MAF: variants seen among roughly 807,000 people sequenced by gnomAD.
MAF encodes transcription factor Maf.
Under a neutral mutation model 22.0 loss-of-function variants are expected in MAF, and 10 were observed. That is an observed-to-expected ratio of 0.45 (90% CI 0.28 to 0.77). The LOEUF is 0.77. Among genes scored for constraint, MAF ranks in the 30% least tolerant of loss-of-function variants. The pLI, the probability that MAF is intolerant of heterozygous loss-of-function variation, is 0.12. For missense variants in MAF, 544 were observed against 548.4 expected, an observed-to-expected ratio of 0.99 and a Z score of 0.08; for synonymous variants, 337 against 255.8, an observed-to-expected ratio of 1.32 and a Z score of -3.03.
At chr16:79,400,809 G>T in the MAF span, among the ~76,000 whole-genome samples, 2 of 152,234 alleles carry the variant, frequency 1.3e-5, no homozygotes, top group African/African-American at 4.8e-5. Context: ...AACTACAGCA[G>T]TCGACTTTCA....
the MAF span, among the ~76,000 whole-genome samples, chr16:79,400,468 A>G: frequency 6.6e-6 from 1 of 152,276 alleles, no homozygotes; most frequent in East Asian, 1.9e-4. Flanking sequence ...CTCATAGCAC[A>G]GTGCCTGGCC....
At chr16:79,354,142 G>A in the MAF span, among the ~76,000 whole-genome samples, 3 of 151,866 alleles carry the variant, frequency 2.0e-5, no homozygotes, top group Admixed American at 6.6e-5. Context: ...CTACAAGTGC[G>A]CACCACCGTG....
the MAF span, among the ~76,000 whole-genome samples, chr16:79,268,421 T>G: frequency 5.3e-5 from 8 of 152,150 alleles, no homozygotes; most frequent in African/African-American, 1.9e-4. Context: ...ATGGTCATAG[T>G]AATGATGGCA....
At chr16:79,444,627 G>T in the MAF span, among the ~76,000 whole-genome samples, 1 of 152,340 alleles carries the variant, frequency 6.6e-6, no homozygotes. Flanking sequence ...GCCAGTTTTA[G>T]CATCAGCATG....
the MAF span, among the ~76,000 whole-genome samples, chr16:79,482,947 T>C: frequency 1.5e-5 from 1 of 65,828 alleles, no homozygotes. Flanking sequence ...CCTCCTTCCC[T>C]ATCTCCCTCC....
the MAF span, among the ~76,000 whole-genome samples, chr16:79,281,549 T>TC: frequency 6.8e-6 from 1 of 147,676 alleles, no homozygotes; most frequent in African/African-American, 2.5e-5. Flanking sequence ...TTGAAGACTT[T>TC]TTTTTTTTTT....
chr16:79,422,550 C>T, the MAF span, among the ~76,000 whole-genome samples: 4 of 152,144 alleles, frequency 2.6e-5, no homozygotes, highest in African/African-American at 9.7e-5. Context: ...ATTGAGGAGA[C>T]AGCTTGCTCC....
At chr16:79,361,762 C>G in the MAF span, among the ~76,000 whole-genome samples, 3 of 152,166 alleles carry the variant, frequency 2.0e-5, no homozygotes, top group African/African-American at 7.2e-5. Flanking sequence ...GAATCCCCCA[C>G]AAGCTGACAT....
At chr16:79,549,652 G>A in the MAF span, among the ~76,000 whole-genome samples, 5 of 152,124 alleles carry the variant, frequency 3.3e-5, no homozygotes, top group African/African-American at 4.8e-5. Flanking sequence ...AATGATCCCC[G>A]TTGGTTCCAT....
the MAF span, among the ~76,000 whole-genome samples, chr16:79,249,273 G>C: frequency 6.6e-6 from 1 of 152,156 alleles, no homozygotes; most frequent in Non-Finnish European, 1.5e-5. Context: ...TACAAAAGTA[G>C]CCGGATGTGG....
At chr16:79,598,205 G>A (rs1484711852) in intron 1 of MAF, 28 of 1,054,412 alleles carry the variant, frequency 2.7e-5, no homozygotes, top group Non-Finnish European at 3.1e-5. Flanking sequence ...GGGTTGAGAA[G>A]GAGTGAGGGT....
At chr16:79,470,447 G>C in the MAF span, among the ~76,000 whole-genome samples, 2 of 152,198 alleles carry the variant, frequency 1.3e-5, no homozygotes, top group South Asian at 2.1e-4. Flanking sequence ...CTGTGGGCTA[G>C]AGAAACAGCT....
the MAF span, among the ~76,000 whole-genome samples, chr16:79,215,919 T>C: frequency 1.3e-5 from 2 of 152,178 alleles, no homozygotes; most frequent in Non-Finnish European, 2.9e-5. Context: ...TGCCCCCTCA[T>C]GCCCATTTCT....
the MAF span, among the ~76,000 whole-genome samples, chr16:79,428,146 G>C: frequency 6.9e-6 from 1 of 145,418 alleles, no homozygotes; most frequent in Non-Finnish European, 1.5e-5. Flanking sequence ...ACTTCCAAGA[G>C]GCTCTACTGA....
At chr16:79,211,961 G>GCAGGGAATTCCTGGGGTAAAGTAT in the MAF span, 1 of 1,535,828 alleles carries the variant, frequency 6.5e-7, no homozygotes, top group Non-Finnish European at 8.7e-7. Context: ...CCAATGGGAA[G>GCAGGGAATTCCTGGGGTAAAGTAT]CAGGGAATTC....
chr16:79,564,926 T>C, the MAF span, among the ~76,000 whole-genome samples: 2 of 152,210 alleles, frequency 1.3e-5, no homozygotes, highest in Non-Finnish European at 1.5e-5. Context: ...TCTCTGCCTC[T>C]GGTTTTGGGT....
chr16:79,408,150 A>T, the MAF span, among the ~76,000 whole-genome samples: 1 of 149,114 alleles, frequency 6.7e-6, no homozygotes, highest in African/African-American at 2.5e-5. Flanking sequence ...TTAGCTTCAG[A>T]AGAACTGGGC....
At chr16:79,305,063 C>T in the MAF span, among the ~76,000 whole-genome samples, 484 of 152,316 alleles carry the variant, frequency 3.2e-3, 4 homozygotes, top group African/African-American at 0.011. Context: ...CCTACAGAAT[C>T]GTGTGGAATG....
chr16:79,533,002 T>A, the MAF span, among the ~76,000 whole-genome samples: 1 of 152,218 alleles, frequency 6.6e-6, no homozygotes, highest in South Asian at 2.1e-4. Context: ...TAAAAATAGA[T>A]ATTCTGTGGT....
Sources: allele counts gnomAD v4.1 joint callset (sites outside exome capture counted in the v4.1 genomes callset), GRCh38; gene constraint gnomAD v4.1.1; transcripts MANE v1.5; gene names NCBI Gene and HGNC (gene_info 2026-07-23, HGNC 2026-07-21).